The following LUC7L2 variants were observed in gnomAD, a reference collection of about 807,000 sequenced individuals.
LUC7L2 encodes LUC7 like 2, pre-mRNA splicing factor.
A neutral mutation model predicts 52.8 loss-of-function variants in LUC7L2; 25 were observed. The ratio of observed to expected loss-of-function variants is 0.47; its 90% CI spans 0.34 to 0.66. The LOEUF (loss-of-function observed/expected upper bound fraction) is 0.66, where lower values mean the gene tolerates loss of function less well. LUC7L2 is among the 30% of genes least tolerant of loss of function. The pLI is 0.01. For synonymous variants in LUC7L2, 144 were observed against 160.9 expected (o/e 0.89, Z 0.80); for missense variants, 328 against 497.8 (o/e 0.66, Z 3.25).
intron 8 of LUC7L2, 47 bp from the exon 9 acceptor site, chr7:139,417,491 A>G (rs866980553): frequency 6.3e-7 from 1 of 1,583,128 alleles, no homozygotes; most frequent in African/African-American, 1.4e-5. Context: ...TAAATGAGAA[A>G]TATAGTAATT....
At chr7:139,347,688 T>TA (rs57097342) in intron 1 of LUC7L2, among the ~76,000 whole-genome samples, 3 of 151,718 alleles carry the variant, frequency 2.0e-5, no homozygotes, top group African/African-American at 2.4e-5. Flanking sequence ...ACTGAATGTA[T>TA]AAAAAAAAGA....
chr7:139,409,550 T>C lies in LUC7L2; in HGVS notation c.688-13T>C. 6.3e-7 allele frequency: 1 copy of C among 1,599,058 alleles called. No individual in the cohort carries two copies. The highest frequency in any genetic ancestry group is 8.5e-7 in the Non-Finnish European group (1 of 1,172,724). ...CTCAGTAAATATTCTCCTCATTTAT[T>C]ACTGTTTTTAAGAGAGTCGTAGCTG... On this transcript the variant is annotated splice_polypyrimidine_tract_variant and intron_variant, in intron 6 of 9. Transcript: ENST00000354926.
At chr7:139,409,809 G>A (rs62485955) in intron 7 of LUC7L2, among the ~76,000 whole-genome samples, 155 bp downstream of exon 7, 2 of 152,196 alleles carry the variant, frequency 1.3e-5, no homozygotes, top group African/African-American at 2.4e-5. Context: ...TTATATAAAT[G>A]TTTAATTATA....
At chr7:139,363,500 A>T (rs1055181413) in intron 1 of LUC7L2, among the ~76,000 whole-genome samples, 1 of 152,230 alleles carries the variant, frequency 6.6e-6, no homozygotes, top group Non-Finnish European at 1.5e-5. Flanking sequence ...GTAATTTGTT[A>T]TATGGGAAAC....
At chr7:139,359,761 G>C, upstream of LUC7L2, 1 of 401,026 alleles carries the variant, frequency 2.5e-6, no homozygotes, top group South Asian at 1.1e-4. Flanking sequence ...GTAAAGGGGC[G>C]GGAGGAGCGC....
At chr7:139,350,130 T>C (rs962492758) in intron 1 of LUC7L2, among the ~76,000 whole-genome samples, 1 of 148,864 alleles carries the variant, frequency 6.7e-6, no homozygotes, top group Non-Finnish European at 1.5e-5. Flanking sequence ...AACCTTATCT[T>C]TTTTTTTTTG....
In LUC7L2 at chr7:139,360,107, C is replaced by G. The variant is rs1799785110; in HGVS notation, c.-155C>G. On this transcript the variant is annotated 5_prime_UTR_variant, in exon 1 of 10. Transcript: ENST00000354926. The stretch of plus-strand genomic sequence containing the variant: ...CGTGAGGAGCGCAGTCCGGACTCTT[C>G]CCGCAACCCCTCCGGCTCCCTTTCC... 1 of 592,508 alleles carries G rather than the reference C, an allele frequency of 1.7e-6. No individual in the cohort carries two copies. Among genetic ancestry groups the G allele is most frequent in the African/African-American group, 1.9e-5 (1 of 51,538 alleles). 36.7% of individuals were successfully genotyped at this position (592,508 alleles called of 1,614,324 possible).
At chr7:139,388,882 G>A (rs1299905983) in intron 2 of LUC7L2, among the ~76,000 whole-genome samples, 1 of 151,852 alleles carries the variant, frequency 6.6e-6, no homozygotes, top group African/African-American at 2.4e-5. Flanking sequence ...AAGTTATTGT[G>A]TTATTGAAAG....
At chr7:139,378,601 A>G (rs1203802143) in intron 2 of LUC7L2, among the ~76,000 whole-genome samples, 1 of 152,166 alleles carries the variant, frequency 6.6e-6, no homozygotes, top group Non-Finnish European at 1.5e-5. Flanking sequence ...AAAAATCAAC[A>G]GTTACAATTC....
chr7:139,374,527 T>A, intron 1 of LUC7L2: 1 of 1,548,452 alleles, frequency 6.5e-7, no homozygotes, highest in Admixed American at 2.0e-5. Context: ...AAAGCAGTTG[T>A]GTTTAAAAGG....
intron 3 of LUC7L2, among the ~76,000 whole-genome samples, chr7:139,401,754 C>CTT (rs58559406): frequency 5.1e-5 from 7 of 135,964 alleles, no homozygotes; most frequent in Non-Finnish European, 6.3e-5. Flanking sequence ...CGCCCAGCTT[C>CTT]TTTTTTTTTT....
intron 1 of LUC7L2, chr7:139,341,328 G>T: frequency 6.4e-7 from 1 of 1,567,398 alleles, no homozygotes; most frequent in Non-Finnish European, 8.7e-7. Flanking sequence ...GGCCGGAGGA[G>T]GGGTTTTCAG....
intron 9 of LUC7L2, among the ~76,000 whole-genome samples, chr7:139,419,697 C>T (rs1024527834): frequency 6.6e-6 from 1 of 152,162 alleles, no homozygotes; most frequent in East Asian, 1.9e-4. Context: ...TATTTTAGTC[C>T]CTGATGCTTC....
At chr7:139,347,119 A>T (rs1433086229) in intron 1 of LUC7L2, among the ~76,000 whole-genome samples, 2 of 152,036 alleles carry the variant, frequency 1.3e-5, no homozygotes, top group African/African-American at 4.8e-5. Context: ...CCTTTATGGT[A>T]TATGTCAGTT....
chr7:139,350,363 C>T (rs1202039243), intron 1 of LUC7L2, among the ~76,000 whole-genome samples: 2 of 152,056 alleles, frequency 1.3e-5, no homozygotes, highest in East Asian at 3.9e-4. Flanking sequence ...CCTCATGATC[C>T]ACCCGCCTCG....
At chr7:139,354,120 A>G (rs1399557314) in intron 1 of LUC7L2, among the ~76,000 whole-genome samples, 1 of 151,994 alleles carries the variant, frequency 6.6e-6, no homozygotes, top group Non-Finnish European at 1.5e-5. Flanking sequence ...TCAGAAAAAA[A>G]AAAATTGAAA....
chr7:139,359,861 C>G, upstream of LUC7L2: 5 of 410,046 alleles, frequency 1.2e-5, no homozygotes, highest in Non-Finnish European at 8.6e-6. Context: ...GTGGAGCCCC[C>G]GCGGGAAACG....
At chr7:139,378,628 CATTT>C (rs1229011575) in intron 2 of LUC7L2, among the ~76,000 whole-genome samples, 2 of 152,234 alleles carry the variant, frequency 1.3e-5, no homozygotes, top group African/African-American at 4.8e-5. Flanking sequence ...TTTCATTCTT[CATTT>C]AACATCAGAA....
chr7:139,383,991 C>T (rs1794081554), intron 2 of LUC7L2, among the ~76,000 whole-genome samples: 1 of 144,050 alleles, frequency 6.9e-6, no homozygotes, highest in Admixed American at 6.6e-5. Flanking sequence ...CTGAAGTGAC[C>T]CACCCACCTT....
Sources: gnomAD v4.1 joint callset for allele counts (sites outside exome capture counted in the v4.1 genomes callset) on GRCh38, gnomAD v4.1.1 for gene constraint, MANE v1.5 for transcripts, NCBI Gene and HGNC (gene_info 2026-07-23, HGNC 2026-07-21) for gene names.